LRRC7: variants seen among roughly 807,000 people sequenced by gnomAD.
LRRC7 encodes leucine-rich repeat-containing protein 7.
In LRRC7, 23 loss-of-function variants were observed where a neutral mutation model predicts 175.7. The observed-to-expected ratio is 0.13, with a 90% CI of 0.09 to 0.19. LRRC7 has a LOEUF of 0.19. LRRC7 is among the 10% of genes least tolerant of loss of function. The pLI, the probability that LRRC7 is intolerant of heterozygous loss-of-function variation, is 1.00. For missense variants in LRRC7, 1,354 were observed against 1,904.7 expected (o/e 0.71, Z 5.38); for synonymous variants, 685 against 680.9 (o/e 1.01, Z -0.09).
intron 26 of LRRC7, 49 bp from the exon 27 acceptor site, chr1:70,121,731 A>G: frequency 8.4e-7 from 1 of 1,187,076 alleles, no homozygotes; most frequent in Non-Finnish European, 1.2e-6. Flanking sequence ...ACAACGATAC[A>G]GTGATAATAG....
intron 8 of LRRC7, among the ~76,000 whole-genome samples, chr1:69,959,989 G>C (rs1650880940): frequency 6.6e-6 from 1 of 152,124 alleles, no homozygotes; most frequent in African/African-American, 2.4e-5. Context: ...TCAGGATAAT[G>C]CTGGCCTCAT....
Position 69,977,963 on chromosome 1 carries a change from G to A in LRRC7, c.712-2416G>A, listed in dbSNP as rs547105142. ...TCTCTGTCTTATTGTATTCATATGAGCTTTTGTTGAACCTTGCCCAGTGGG... is the reference window on the plus strand; with the variant it reads ...TCTCTGTCTTATTGTATTCATATGAACTTTTGTTGAACCTTGCCCAGTGGG... On this transcript the variant is annotated intron_variant, in intron 8 of 26. Transcript: ENST00000651989. Among the ~76,000 whole-genome samples the A allele has an allele frequency of 4.6e-5, 7 of 152,252 alleles. No individual in the cohort carries two copies. The South Asian group carries it at 1.4e-3, about 32-fold the overall frequency.
intron 7 of LRRC7, among the ~76,000 whole-genome samples, chr1:69,860,428 C>T (rs889116195): frequency 6.6e-6 from 1 of 151,826 alleles, no homozygotes; most frequent in Non-Finnish European, 1.5e-5. Context: ...TTGCACAACC[C>T]TTAAAGGTGG....
chr1:70,000,386 A>G (rs1655412624), intron 11 of LRRC7, among the ~76,000 whole-genome samples: 1 of 152,260 alleles, frequency 6.6e-6, no homozygotes, highest in African/African-American at 2.4e-5. Context: ...CCTAAAAACA[A>G]TAGGCTATAT....
intron 2 of LRRC7, among the ~76,000 whole-genome samples, chr1:69,703,507 A>G (rs1406072023): frequency 6.6e-6 from 1 of 151,992 alleles, no homozygotes; most frequent in East Asian, 1.9e-4. Context: ...GAGGAAGAAC[A>G]TTGTATTACA....
intron 4 of LRRC7, among the ~76,000 whole-genome samples, chr1:69,825,268 T>G (rs1327283977): frequency 6.6e-6 from 1 of 152,212 alleles, no homozygotes; most frequent in African/African-American, 2.4e-5. Context: ...TGGGAATATC[T>G]ATCAGTTTTG....
At chr1:69,919,205 C>T in intron 7 of LRRC7, 2 of 280,150 alleles carry the variant, frequency 7.1e-6, no homozygotes, top group Non-Finnish European at 1.3e-5. Flanking sequence ...ATGTTTCAGG[C>T]TCTGCAGTCC....
chr1:69,990,058 A>G (rs1463367400), intron 10 of LRRC7, among the ~76,000 whole-genome samples: 1 of 152,140 alleles, frequency 6.6e-6, no homozygotes, highest in African/African-American at 2.4e-5. Flanking sequence ...CACAACAAAT[A>G]TATTTGAACA....
At chr1:70,043,906 G>C (rs368049401) in intron 21 of LRRC7, 48 bp from the exon 22 acceptor site, 35 of 1,546,004 alleles carry the variant, frequency 2.3e-5, no homozygotes, top group Non-Finnish European at 2.9e-5. Flanking sequence ...TTATCAGTTT[G>C]TTGAGCATGT....
chr1:69,682,340 G>T (rs532389670), intron 2 of LRRC7, among the ~76,000 whole-genome samples: 1 of 152,174 alleles, frequency 6.6e-6, no homozygotes, highest in African/African-American at 2.4e-5. Flanking sequence ...AAAGTGATAA[G>T]TCCAGCTTAT....
chr1:69,587,666 G>A (rs1394085848), intron 1 of LRRC7, among the ~76,000 whole-genome samples: 1 of 152,076 alleles, frequency 6.6e-6, no homozygotes, highest in African/African-American at 2.4e-5. Context: ...TCGTGGGGGT[G>A]GTTTCCCCCA....
intron 23 of LRRC7, among the ~76,000 whole-genome samples, chr1:70,061,857 A>G (rs1341547063): frequency 6.6e-6 from 1 of 152,196 alleles, no homozygotes; most frequent in East Asian, 1.9e-4. Context: ...TGTGTGACTA[A>G]TAAGTACCTA....
At chr1:70,109,728 A>G (rs747670833) in intron 26 of LRRC7, among the ~76,000 whole-genome samples, 16 of 152,210 alleles carry the variant, frequency 1.1e-4, no homozygotes, top group Non-Finnish European at 1.5e-4. Context: ...CTCTTTGAAA[A>G]TTGTATGAAT....
intron 1 of LRRC7, among the ~76,000 whole-genome samples, chr1:69,654,156 T>C (rs1656265597): frequency 6.6e-6 from 1 of 151,750 alleles, no homozygotes. Context: ...ACTATAGGAC[T>C]AGAATAGGCA....
intron 4 of LRRC7, among the ~76,000 whole-genome samples, chr1:69,796,474 A>G (rs1367644602): frequency 3.9e-5 from 6 of 152,020 alleles, no homozygotes; most frequent in Non-Finnish European, 8.8e-5. Flanking sequence ...AACCAGACAG[A>G]GTCCTCTTCA....
At chr1:69,933,407 A>T (rs1557904668) in intron 8 of LRRC7, among the ~76,000 whole-genome samples, 1 of 152,230 alleles carries the variant, frequency 6.6e-6, no homozygotes, top group Non-Finnish European at 1.5e-5. Flanking sequence ...TAAATAACAG[A>T]TAGTGGCAAA....
At position 69,786,324 on chromosome 1, in the gene LRRC7, T is replaced by C. The variant is rs143020251; in HGVS notation, c.304-5719T>C. Among the ~76,000 whole-genome samples, 6 of 151,962 alleles carry C rather than the reference T, an allele frequency of 3.9e-5. No homozygotes were observed. In the East Asian group the frequency reaches 5.8e-4, roughly 15 times the overall value. On this transcript the variant is annotated intron_variant, in intron 3 of 26. Coordinates refer to ENST00000651989, the MANE Select transcript of LRRC7 (RefSeq NM_001370785.2). ...TTGGCAATTCCTAGAAGACTTTTTTTTCTCTCTCTCTCTGTCTTTTTATTA... is the reference window on the plus strand; with the variant it reads ...TTGGCAATTCCTAGAAGACTTTTTTCTCTCTCTCTCTCTGTCTTTTTATTA...
At chr1:69,659,704 T>C (rs1460643658) in intron 1 of LRRC7, among the ~76,000 whole-genome samples, 1 of 151,660 alleles carries the variant, frequency 6.6e-6, no homozygotes, top group Admixed American at 6.6e-5. Context: ...AAAAATGTCT[T>C]GACACACTTT....
chr1:69,954,988 G>C (rs1650347577), intron 8 of LRRC7, among the ~76,000 whole-genome samples: 1 of 152,020 alleles, frequency 6.6e-6, no homozygotes, highest in Non-Finnish European at 1.5e-5. Context: ...AGAGAAGAAA[G>C]ATTGATTAGA....
Sources: gnomAD v4.1 joint callset for allele counts (sites outside exome capture counted in the v4.1 genomes callset) on GRCh38, gnomAD v4.1.1 for gene constraint, MANE v1.5 for transcripts, NCBI Gene and HGNC (gene_info 2026-07-23, HGNC 2026-07-21) for gene names.